ATL2: variants seen among roughly 807,000 people sequenced by gnomAD.
ATL2 encodes atlastin-2.
ATL2 carries 31 observed loss-of-function variants against 73.9 expected under a neutral mutation model. The ratio of observed to expected loss-of-function variants is 0.42; its 90% CI spans 0.32 to 0.57. The LOEUF (loss-of-function observed/expected upper bound fraction) is 0.57. ATL2 is among the 20% of genes least tolerant of loss of function. The pLI, the probability that ATL2 is intolerant of heterozygous loss-of-function variation, is 0.14. For missense variants in ATL2, 738 were observed against 702.6 expected, an observed-to-expected ratio of 1.05 and a Z score of -0.57; for synonymous variants, 291 against 237.5, an observed-to-expected ratio of 1.23 and a Z score of -2.07.
intron 1 of ATL2, among the ~76,000 whole-genome samples, chr2:38,374,432 C>A (rs563044290): frequency 6.6e-6 from 1 of 152,186 alleles, no homozygotes; most frequent in East Asian, 1.9e-4. Context: ...AATACCATTA[C>A]ACGTTAAAAA....
intron 2 of ATL2, among the ~76,000 whole-genome samples, chr2:38,336,419 G>A (rs1001016236): frequency 1.3e-5 from 2 of 152,310 alleles, no homozygotes; most frequent in South Asian, 2.1e-4. Flanking sequence ...AAACTCTTGA[G>A]TAGCAAATAC....
intron 2 of ATL2, 33 bp from the exon 3 acceptor site, chr2:38,319,052 C>G: frequency 9.4e-6 from 15 of 1,593,346 alleles, no homozygotes; most frequent in Non-Finnish European, 1.3e-5. Context: ...TAAAATACAA[C>G]ACAATTAAGA....
intron 1 of ATL2, among the ~76,000 whole-genome samples, chr2:38,368,869 G>A (rs933491392): frequency 6.6e-6 from 1 of 151,964 alleles, no homozygotes; most frequent in East Asian, 1.9e-4. Flanking sequence ...TTGGAGGATC[G>A]CTTAACCCCA....
chr2:38,325,906 TAAAA>T (rs761254087), intron 2 of ATL2, among the ~76,000 whole-genome samples: 9 of 52,022 alleles, frequency 1.7e-4, no homozygotes, highest in Non-Finnish European at 3.9e-4. Context: ...TTTGTTTGTT[TAAAA>T]AAAAAAAAAA....
In ATL2 at chr2:38,318,932, G is replaced by C; in HGVS notation, c.451C>G (p.Gln151Glu). ...ATCACAAATACTTCATTCCAAACTT[G>C]TATGCCTGTTGTTTCTCTTTCACAG... The part of the protein sequence containing the change: ...GGCERETTGI[Q>E]VWNEVFVIDR... Residue 151 changes from glutamine to glutamate, a missense_variant, in exon 3 of 13, where the codon CAA becomes GAA. Physicochemically the swap from Gln to Glu is conservative, Grantham distance 29 (BLOSUM62 2). Coordinates refer to ENST00000378954, the MANE Select transcript of ATL2 (RefSeq NM_001135673.4). The C allele has an allele frequency of 3.1e-6, 5 of 1,613,970 alleles. No homozygotes were observed. Among genetic ancestry groups the C allele is most frequent in the Non-Finnish European group, 4.2e-6 (5 of 1,179,924 alleles).
At chr2:38,311,697 G>A (rs931902125) in intron 7 of ATL2, among the ~76,000 whole-genome samples, 2 of 152,202 alleles carry the variant, frequency 1.3e-5, no homozygotes, top group African/African-American at 4.8e-5. Flanking sequence ...GAAGGTTGCT[G>A]TATGGAGGTG....
intron 7 of ATL2, 116 bp downstream of exon 7, chr2:38,313,035 G>A (rs1324517473): frequency 3.1e-6 from 2 of 650,204 alleles, no homozygotes; most frequent in East Asian, 2.9e-5. Flanking sequence ...GGGCTAACCT[G>A]GAATACTTTA....
At chr2:38,376,379 C>G in intron 1 of ATL2, 1 of 593,062 alleles carries the variant, frequency 1.7e-6, no homozygotes, top group Non-Finnish European at 2.7e-6. Context: ...AGCCAAGGAT[C>G]AGGTGACTTC....
intron 2 of ATL2, among the ~76,000 whole-genome samples, chr2:38,325,141 G>GA (rs1216096418): frequency 6.6e-6 from 1 of 152,166 alleles, no homozygotes; most frequent in African/African-American, 2.4e-5. Context: ...TTTGACTTTA[G>GA]AGTCTTCCAT....
chr2:38,374,417 A>G (rs747089001), intron 1 of ATL2, among the ~76,000 whole-genome samples: 2 of 152,252 alleles, frequency 1.3e-5, no homozygotes, highest in Non-Finnish European at 2.9e-5. Flanking sequence ...TGTCTACAAA[A>G]TCAGAATACC....
chr2:38,339,124 G>A (rs560233306), intron 2 of ATL2, among the ~76,000 whole-genome samples: 1 of 152,270 alleles, frequency 6.6e-6, no homozygotes, highest in South Asian at 2.1e-4. Flanking sequence ...GCTGAGGCGA[G>A]ATAATCGCTT....
At chr2:38,321,437 T>C (rs1358834505) in intron 2 of ATL2, among the ~76,000 whole-genome samples, 1 of 152,196 alleles carries the variant, frequency 6.6e-6, no homozygotes, top group Non-Finnish European at 1.5e-5. Context: ...GATGGACTTG[T>C]GTTTCAGGAG....
intron 1 of ATL2, among the ~76,000 whole-genome samples, chr2:38,348,335 G>A (rs893233193): frequency 1.3e-5 from 2 of 151,786 alleles, no homozygotes; most frequent in Non-Finnish European, 2.9e-5. Flanking sequence ...GAGTGGTGTT[G>A]CTTGCCTGTA....
intron 1 of ATL2, among the ~76,000 whole-genome samples, chr2:38,368,162 C>T (rs1016237851): frequency 2.6e-5 from 4 of 151,372 alleles, no homozygotes; most frequent in Non-Finnish European, 5.9e-5. Flanking sequence ...CCTCTATCTC[C>T]TGACCTCATG....
chr2:38,318,033 G>A (rs184252920), intron 4 of ATL2, among the ~76,000 whole-genome samples: 122 of 152,184 alleles, frequency 8.0e-4, no homozygotes, highest in African/African-American at 2.7e-3. Context: ...GGCATATGCT[G>A]ACAGTCCCAG....
chr2:38,376,021 T>C, intron 1 of ATL2: 1 of 1,325,776 alleles, frequency 7.5e-7, no homozygotes, highest in South Asian at 2.2e-5. Context: ...TTACATTTTA[T>C]CCAGCAAAAC....
intron 2 of ATL2, among the ~76,000 whole-genome samples, chr2:38,322,033 T>A (rs1668351234): frequency 6.6e-6 from 1 of 152,198 alleles, no homozygotes; most frequent in South Asian, 2.1e-4. Flanking sequence ...AAGTTACCAT[T>A]TATAAGGAGT....
intron 2 of ATL2, among the ~76,000 whole-genome samples, chr2:38,330,776 ATAT>A (rs1668942112): frequency 6.6e-6 from 1 of 152,264 alleles, no homozygotes; most frequent in East Asian, 1.9e-4. Context: ...GTTAGACTTA[ATAT>A]TGTTAACACA....
intron 1 of ATL2, among the ~76,000 whole-genome samples, chr2:38,373,472 C>T (rs1239088714): frequency 6.6e-6 from 1 of 152,088 alleles, no homozygotes; most frequent in Non-Finnish European, 1.5e-5. Flanking sequence ...TGTACTGGTC[C>T]GAAGACCAAA....
Sources: gnomAD v4.1 joint callset for allele counts (sites outside exome capture counted in the v4.1 genomes callset) on GRCh38, gnomAD v4.1.1 for gene constraint, MANE v1.5 for transcripts, NCBI Gene and HGNC (gene_info 2026-07-23, HGNC 2026-07-21) for gene names.